The following WDR62 variants were observed in gnomAD, a reference collection of about 807,000 sequenced individuals.
WDR62 encodes WD repeat-containing protein 62.
Under a neutral mutation model 160.6 loss-of-function variants are expected in WDR62, and 112 were observed. The ratio of observed to expected loss-of-function variants is 0.70; its 90% CI spans 0.60 to 0.82. The LOEUF (loss-of-function observed/expected upper bound fraction) is 0.82, where lower values mean the gene tolerates loss of function less well. Ranked by LOEUF, WDR62 falls within the 40% of genes least tolerant of loss-of-function variation. The pLI is 0.00. For synonymous variants in WDR62, 792 were observed against 815.1 expected (o/e 0.97, Z 0.48); for missense variants, 1,819 against 1,983.8 (o/e 0.92, Z 1.58).
At position 36,054,921 on chromosome 19, in the gene WDR62, G is replaced by A; in HGVS notation, c.-51G>A. The A allele has an allele frequency of 6.5e-7, 1 of 1,546,288 alleles. No individual in the cohort carries two copies. The highest frequency in any genetic ancestry group is 8.7e-7 in the Non-Finnish European group (1 of 1,147,580). ...CGCTGTTCCAGTGGGTCGTGGCGGT[G>A]GCGGCAGCGGCGGTTAGGGGATGTA... On this transcript the variant is annotated 5_prime_UTR_variant, in exon 1 of 32. Transcript: ENST00000401500.
Position 36,102,130 on chromosome 19 carries a change from C to T in WDR62, c.3199C>T (p.Leu1067=). ...EKFLRHHFET[L]TESPCRELFP... ...GTTCCTCCGCCACCACTTTGAGACA[C>T]TGACTGAGTCCCCCTGCAGAGGTAG... Residue 1067 remains leucine, a synonymous_variant, in exon 26 of 32, where the codon CTG becomes TTG. Coordinates refer to ENST00000401500, the MANE Select transcript of WDR62 (RefSeq NM_001083961.2). The T allele has an allele frequency of 6.2e-7, 1 of 1,614,118 alleles. No homozygotes were observed. Among genetic ancestry groups the T allele is most frequent in the Non-Finnish European group, 8.5e-7 (1 of 1,180,046 alleles).
Position 36,093,530 on chromosome 19 carries a change from TG to T in WDR62, c.2334-500del, listed in dbSNP as rs1159257048. Among the ~76,000 whole-genome samples the T allele has an allele frequency of 7.0e-4, 107 of 152,250 alleles. 2 individuals carry two copies. In the East Asian group the frequency reaches 0.015, roughly 22 times the overall value. The stretch of plus-strand genomic sequence containing the variant: ...GTGTCTGTTTTTGCCATTGGCTCCA[TG>T]TGGCTCCCAGGGCAATGTGGAGACC... On this transcript the variant is annotated intron_variant, in intron 19 of 31. Coordinates refer to ENST00000401500, the MANE Select transcript of WDR62 (RefSeq NM_001083961.2).
In WDR62 at chr19:36,084,667, A is replaced by G. The variant is rs772695054; in HGVS notation, c.1565A>G (p.His522Arg). 1.9e-6 allele frequency: 3 copies of G among 1,613,798 alleles called. No homozygotes were observed. In the South Asian group the frequency reaches 3.3e-5, roughly 18 times the overall value. Residue 522 changes from histidine to arginine, a missense_variant, in exon 12 of 32, where the codon CAC becomes CGC. His to Arg is a conservative substitution (Grantham distance 29). This residue lies in a region of WDR62 where 934 missense variants were observed against 1,157.2 expected (regional missense o/e 0.81). Coordinates refer to ENST00000401500, the MANE Select transcript of WDR62 (RefSeq NM_001083961.2). ...RSGNLRIHEL[H>R]FMDELVKVEA... ...GTGTCTCCCAGGATCCACGAGCTGC[A>G]CTTCATGGACGAGCTGGTCAAGGTG... is the stretch of plus-strand genomic sequence containing the variant.
At chr19:36,082,085 T>C (rs1430790578) in intron 10 of WDR62, 1 of 353,728 alleles carries the variant, frequency 2.8e-6, no homozygotes, top group Non-Finnish European at 5.6e-6. Context: ...TGCATTCATT[T>C]ATTCTGCAGA....
rs141501156 is a variant in WDR62, at chr19:36,058,824, T to C, written c.222T>C (p.Ser74=). Residue 74 remains serine (S), a synonymous_variant, in exon 2 of 32, where the codon AGT becomes AGC. Coordinates refer to ENST00000401500, the MANE Select transcript of WDR62 (RefSeq NM_001083961.2). ...KVLGITAQNS[S]GLTCDPGTGH... ...TTGGCATCACAGCCCAGAACAGCAG[T>C]GGCCTAACCTGTGACCCCGGCACAG... The C allele has an allele frequency of 1.2e-5, 20 of 1,614,116 alleles. No individual in the cohort carries two copies. The African/African-American group carries it at 2.5e-4, about 20-fold the overall frequency.
chr19:36,109,604 C>T (rs150389905), downstream of WDR62, among the ~76,000 whole-genome samples: 3,075 of 150,904 alleles, frequency 0.02, 111 homozygotes, highest in African/African-American at 0.071. Flanking sequence ...TGTGGTGGTG[C>T]GCACCTGTAG....
At chr19:36,077,091 A>G (rs1971612412) in intron 9 of WDR62, among the ~76,000 whole-genome samples, 1 of 151,876 alleles carries the variant, frequency 6.6e-6, no homozygotes, top group Admixed American at 6.6e-5. Flanking sequence ...TGCAGCCATC[A>G]TTACTCTCTA....
chr19:36,092,805 A>C lies in WDR62; in HGVS notation c.2327A>C (p.His776Pro), dbSNP rs1599822275. 1 of 1,613,730 alleles carries C rather than the reference A, an allele frequency of 6.2e-7. No homozygotes were observed. ...QHTNDKKRSGHPRQDTYVSTP... is the reference protein window; with the variant it reads ...QHTNDKKRSGPPRQDTYVSTP... The stretch of plus-strand genomic sequence containing the variant: ...ACAAATGACAAGAAGCGGAGTGGCC[A>C]CCCCAGGTCCTGGCAGCCCCTGCCT... The change falls in exon 19 of 32, where the codon CAC becomes CCC. Residue 776 changes from histidine to proline, a missense_variant. Transcript: ENST00000401500.
chr19:36,077,853 C>T (rs1421123428), intron 9 of WDR62, among the ~76,000 whole-genome samples: 2 of 152,142 alleles, frequency 1.3e-5, no homozygotes, highest in African/African-American at 2.4e-5. Context: ...GCCTCAGCCT[C>T]CCAAAGTGCT....
chr19:36,068,923 A>G (rs1180591405), intron 7 of WDR62, among the ~76,000 whole-genome samples: 1 of 151,906 alleles, frequency 6.6e-6, no homozygotes, highest in Non-Finnish European at 1.5e-5. Context: ...CACTTCCCAG[A>G]AGGGGCGGCC....
chr19:36,108,020 G>C (rs914891160), downstream of WDR62, among the ~76,000 whole-genome samples: 1 of 152,036 alleles, frequency 6.6e-6, no homozygotes, highest in South Asian at 2.1e-4. Context: ...CAGAACCCCA[G>C]GACTGGCACC....
Position 36,084,754 on chromosome 19 carries a change from C to T in WDR62, c.1642+10C>T. ...TCCAAGCCAGAGACGGGTGAGCCCG[C>T]AGCAGGGGTGGAATGGGGGTCAGGC... On this transcript the variant is annotated intron_variant, in intron 12 of 31. Coordinates refer to ENST00000401500, the MANE Select transcript of WDR62 (RefSeq NM_001083961.2). 6.2e-7 allele frequency: 1 copy of T among 1,612,038 alleles called. No homozygotes were observed. The highest frequency in any genetic ancestry group is 2.2e-5 in the East Asian group (1 of 44,848).
intron 5 of WDR62, 64 bp from the exon 6 acceptor site, chr19:36,067,242 C>A: frequency 6.2e-7 from 1 of 1,610,490 alleles, no homozygotes. Context: ...AGCCTGAGGG[C>A]AAAGGCACAA....
At chr19:36,088,749 A>G (rs1193843084) in intron 13 of WDR62, among the ~76,000 whole-genome samples, 1 of 152,292 alleles carries the variant, frequency 6.6e-6, no homozygotes, top group African/African-American at 2.4e-5. Flanking sequence ...CAAGTCACCT[A>G]TCTCAATCCC....
At chr19:36,092,959 A>T (rs1247533636) in intron 19 of WDR62, 148 bp downstream of exon 19, 1 of 1,176,446 alleles carries the variant, frequency 8.5e-7, no homozygotes. Context: ...GACTTTGAAT[A>T]TGCAGTTACA....
chr19:36,073,348 C>G lies in WDR62; in HGVS notation c.1050C>G (p.Leu350=), dbSNP rs776125890. The change falls in exon 9 of 32, where the codon CTC becomes CTG. Residue 350 remains leucine (L), a synonymous_variant. Transcript: ENST00000401500. ...ACCCATGTGGCCTTGTTAGCTTCCT[C>G]TTCCACAGGAAGGCGGAAGCAGTCT... ...DVAQGLEPSF[L]FHRKAEAVYP... is the part of the protein sequence containing the mutation. 1 of 1,614,164 alleles carries G rather than the reference C, an allele frequency of 6.2e-7. No homozygotes were observed. Among genetic ancestry groups the G allele is most frequent in the South Asian group, 1.1e-5 (1 of 91,082 alleles).
rs753800840 is a variant in WDR62 at position 36,102,724 on chromosome 19, G to T, written c.3221-13G>T. 9.3e-6 allele frequency: 15 copies of T among 1,613,294 alleles called. No individual in the cohort carries two copies. The highest frequency in any genetic ancestry group is 1.3e-5 in the Non-Finnish European group (15 of 1,179,222). ...GGAAGGGTTATGAGGGTCCCCTCGG[G>T]ATCTTCCCCTAGAGCTCTTCCCCGC... On this transcript the variant is annotated splice_polypyrimidine_tract_variant and intron_variant, in intron 26 of 31. Transcript: ENST00000401500.
chr19:36,056,298 G>A (rs1182612132), intron 1 of WDR62, among the ~76,000 whole-genome samples: 5 of 152,190 alleles, frequency 3.3e-5, no homozygotes, highest in Non-Finnish European at 7.3e-5. Flanking sequence ...CCTGCCCCAT[G>A]ACTTTCTCCT....
At chr19:36,080,993 G>A (rs1971863072) in intron 9 of WDR62, among the ~76,000 whole-genome samples, 1 of 152,014 alleles carries the variant, frequency 6.6e-6, no homozygotes, top group Non-Finnish European at 1.5e-5. Flanking sequence ...AGTCTCATAT[G>A]TTGGCCAGAG....
Sources: allele counts gnomAD v4.1 joint callset (sites outside exome capture counted in the v4.1 genomes callset), GRCh38; gene constraint gnomAD v4.1.1; regional missense constraint gnomAD v4.1.1; transcripts MANE v1.5; gene names NCBI Gene and HGNC (gene_info 2026-07-23, HGNC 2026-07-21).